CYP39A1: variants seen among roughly 807,000 people sequenced by gnomAD.
CYP39A1 encodes cytochrome P450 family 39 subfamily A member 1.
Under a neutral mutation model 58.1 loss-of-function variants are expected in CYP39A1, and 49 were observed. That is an observed-to-expected ratio of 0.84 (90% CI 0.67 to 1.07). The LOEUF is 1.07. Among genes scored for constraint, CYP39A1 ranks in the 50% least tolerant of loss-of-function variants. CYP39A1 has a pLI of 0.00. For synonymous variants in CYP39A1, 209 were observed against 187.6 expected (o/e 1.11, Z -0.93); for missense variants, 531 against 539.4 (o/e 0.98, Z 0.16).
At chr6:46,552,586 C>G (rs576180717) in intron 11 of CYP39A1, among the ~76,000 whole-genome samples, 68 of 152,188 alleles carry the variant, frequency 4.5e-4, no homozygotes, top group Non-Finnish European at 8.1e-4. Flanking sequence ...GCACAAAACG[C>G]TATGTGAATA....
At chr6:46,630,812 T>C in intron 6 of CYP39A1, 151 bp downstream of exon 6, 1 of 630,796 alleles carries the variant, frequency 1.6e-6, no homozygotes, top group Non-Finnish European at 2.7e-6. Context: ...CATTCAGTTT[T>C]GGTTTTTATC....
chr6:46,625,370 C>T, intron 7 of CYP39A1, 48 bp downstream of exon 7: 2 of 1,313,560 alleles, frequency 1.5e-6, no homozygotes, highest in Non-Finnish European at 2.1e-6. Flanking sequence ...TAATGTGTGA[C>T]AAACATGCAT....
chr6:46,649,531 T>G (rs555067174), intron 1 of CYP39A1, among the ~76,000 whole-genome samples: 1 of 152,338 alleles, frequency 6.6e-6, no homozygotes, highest in South Asian at 2.1e-4. Flanking sequence ...TCCATGCATC[T>G]TCAAAGAATT....
At chr6:46,640,510 A>G (rs962132147) in intron 2 of CYP39A1, among the ~76,000 whole-genome samples, 1 of 151,944 alleles carries the variant, frequency 6.6e-6, no homozygotes, top group African/African-American at 2.4e-5. Flanking sequence ...TCCTTCTATA[A>G]CACACATTCC....
chr6:46,583,267 G>A (rs1238881663), intron 10 of CYP39A1: 1 of 985,192 alleles, frequency 1.0e-6, no homozygotes, highest in Non-Finnish European at 1.2e-6. Context: ...TGGAGTTTAA[G>A]CCATATCAAT....
chr6:46,618,047 A>C (rs1267110948), intron 7 of CYP39A1, among the ~76,000 whole-genome samples: 1 of 152,148 alleles, frequency 6.6e-6, no homozygotes, highest in Non-Finnish European at 1.5e-5. Flanking sequence ...AAGTAGAAAA[A>C]CTCAAAGTTA....
chr6:46,598,210 AAC>A (rs1435234789), intron 7 of CYP39A1, among the ~76,000 whole-genome samples: 4 of 152,176 alleles, frequency 2.6e-5, no homozygotes, highest in African/African-American at 4.8e-5. Flanking sequence ...CCTGCAATAA[AAC>A]AGTTATTTAC....
intron 10 of CYP39A1, chr6:46,583,611 C>A: frequency 1.0e-6 from 1 of 983,500 alleles, no homozygotes; most frequent in Non-Finnish European, 1.2e-6. Flanking sequence ...AAATAAATCA[C>A]CAGACTTCTC....
chr6:46,624,920 AG>A (rs1469577761), intron 7 of CYP39A1, among the ~76,000 whole-genome samples: 1 of 152,062 alleles, frequency 6.6e-6, no homozygotes, highest in Admixed American at 6.6e-5. Context: ...AACAACCATA[AG>A]GGTTTTTTTA....
intron 8 of CYP39A1, among the ~76,000 whole-genome samples, chr6:46,595,254 C>T (rs1001520988): frequency 1.3e-5 from 2 of 151,712 alleles, no homozygotes; most frequent in Non-Finnish European, 2.9e-5. Context: ...TATGAAGGTT[C>T]CTCAAAAAAT....
intron 10 of CYP39A1, among the ~76,000 whole-genome samples, chr6:46,559,191 A>G (rs921698421): frequency 2.6e-5 from 4 of 152,146 alleles, no homozygotes; most frequent in Admixed American, 1.3e-4. Flanking sequence ...AAGGACAACC[A>G]TGGACAGTCC....
At chr6:46,555,189 C>A (rs1272397376) in intron 10 of CYP39A1, among the ~76,000 whole-genome samples, 1 of 152,178 alleles carries the variant, frequency 6.6e-6, no homozygotes, top group South Asian at 2.1e-4. Flanking sequence ...TGGCTCTAGC[C>A]ACGTTATATT....
intron 10 of CYP39A1, among the ~76,000 whole-genome samples, chr6:46,560,732 T>C (rs1196480824): frequency 6.6e-6 from 1 of 152,064 alleles, no homozygotes; most frequent in African/African-American, 2.4e-5. Flanking sequence ...TTTAAAGCCA[T>C]GGGGCAGTAT....
intron 10 of CYP39A1, among the ~76,000 whole-genome samples, chr6:46,554,557 G>A (rs1026439683): frequency 6.6e-6 from 1 of 152,086 alleles, no homozygotes; most frequent in Non-Finnish European, 1.5e-5. Flanking sequence ...TTTAAATTAT[G>A]CACATATACT....
chr6:46,630,505 A>G (rs1775593700), intron 6 of CYP39A1, among the ~76,000 whole-genome samples: 2 of 152,104 alleles, frequency 1.3e-5, no homozygotes, highest in Admixed American at 6.6e-5. Flanking sequence ...TTAAATTACC[A>G]CCATGACAGT....
chr6:46,632,503 T>A (rs1376560716), intron 5 of CYP39A1, among the ~76,000 whole-genome samples: 7 of 151,664 alleles, frequency 4.6e-5, no homozygotes, highest in Non-Finnish European at 1.0e-4. Flanking sequence ...ACAGTTCAGG[T>A]TTGTTCTATA....
chr6:46,637,663 G>A lies in CYP39A1; in HGVS notation c.638+166C>T, dbSNP rs1244547004. On this transcript the variant is annotated intron_variant, in intron 4 of 11. Transcript: ENST00000275016. ...AATAAGAAAAGCATCTCTCTTCCTT[G>A]GTCCTCCTTCAATTCACATACAGAC... 2.6e-5 allele frequency among the ~76,000 whole-genome samples: 4 copies of A among 152,084 alleles called. No individual in the cohort carries two copies. In the East Asian group the frequency reaches 7.7e-4, roughly 29 times the overall value.
chr6:46,560,454 C>T (rs181989266), intron 10 of CYP39A1, among the ~76,000 whole-genome samples: 24 of 152,188 alleles, frequency 1.6e-4, no homozygotes, highest in African/African-American at 5.5e-4. Flanking sequence ...AGGATGACTC[C>T]AAAGTTTTCG....
intron 11 of CYP39A1, among the ~76,000 whole-genome samples, chr6:46,552,774 C>T (rs1770472187): frequency 6.6e-6 from 1 of 152,158 alleles, no homozygotes; most frequent in African/African-American, 2.4e-5. Context: ...AGCGGCATCA[C>T]CTGGAGCTTG....
Sources: allele counts gnomAD v4.1 joint callset (sites outside exome capture counted in the v4.1 genomes callset), GRCh38; gene constraint gnomAD v4.1.1; transcripts MANE v1.5; gene names NCBI Gene and HGNC (gene_info 2026-07-23, HGNC 2026-07-21).